Variants in B4GALT5 observed in about 807,000 individuals in gnomAD.
B4GALT5 encodes the protein UDP-Gal:beta-GlcNAc beta-1,4-galactosyltransferase 5.
A neutral mutation model predicts 45.0 loss-of-function variants in B4GALT5; 11 were observed. The observed-to-expected ratio is 0.24, with a 90% CI of 0.15 to 0.40. The LOEUF (loss-of-function observed/expected upper bound fraction) is 0.40, where lower values mean the gene tolerates loss of function less well. B4GALT5 is among the 10% of genes least tolerant of loss of function. B4GALT5 has a pLI of 1.00. For synonymous variants in B4GALT5, 185 were observed against 182.9 expected (o/e 1.01, Z -0.09); for missense variants, 337 against 500.2 (o/e 0.67, Z 3.11).
At chr20:49,649,064 G>A (rs1354652138) in intron 2 of B4GALT5, among the ~76,000 whole-genome samples, 3 of 152,072 alleles carry the variant, frequency 2.0e-5, no homozygotes, top group Non-Finnish European at 4.4e-5. Context: ...GAATCAAATG[G>A]CTAACACATT....
chr20:49,703,668 C>T (rs907113280), intron 1 of B4GALT5, among the ~76,000 whole-genome samples: 2 of 151,412 alleles, frequency 1.3e-5, no homozygotes, highest in African/African-American at 2.4e-5. Context: ...GCAGGTGGAT[C>T]ACCTGAGGTC....
intron 1 of B4GALT5, among the ~76,000 whole-genome samples, chr20:49,665,481 A>AATAATG (rs2085686468): frequency 4.3e-5 from 6 of 138,242 alleles, no homozygotes; most frequent in African/African-American, 1.6e-4. Flanking sequence ...TAATAATAAT[A>AATAATG]ATGAAGAAAC....
chr20:49,683,566 G>C (rs1022360101), intron 1 of B4GALT5, among the ~76,000 whole-genome samples: 1 of 151,528 alleles, frequency 6.6e-6, no homozygotes, highest in African/African-American at 2.4e-5. Context: ...GCTAATTTTT[G>C]TATTTTTGTA....
At chr20:49,713,002 G>C (rs966520409) in intron 1 of B4GALT5, among the ~76,000 whole-genome samples, 2 of 151,152 alleles carry the variant, frequency 1.3e-5, no homozygotes, top group African/African-American at 4.9e-5. Context: ...GGAGGTGGAT[G>C]TAATAGGGGA....
chr20:49,649,755 A>T (rs803193), intron 2 of B4GALT5, among the ~76,000 whole-genome samples: 128,685 of 152,152 alleles, frequency 0.85, 54,894 homozygotes, highest in African/African-American at 0.97. Context: ...ATTATTACTC[A>T]GGATGAATCT....
At chr20:49,670,443 G>A (rs968256209) in intron 1 of B4GALT5, among the ~76,000 whole-genome samples, 11 of 151,884 alleles carry the variant, frequency 7.2e-5, no homozygotes, top group African/African-American at 2.7e-4. Context: ...TTATTTTTTT[G>A]AGACAGGGTC....
chr20:49,655,395 G>A (rs974235905), intron 2 of B4GALT5, among the ~76,000 whole-genome samples: 11 of 151,854 alleles, frequency 7.2e-5, no homozygotes, highest in Admixed American at 4.6e-4. Flanking sequence ...TAACACCACT[G>A]CACTCCAGCC....
intron 2 of B4GALT5, among the ~76,000 whole-genome samples, chr20:49,651,448 G>A (rs1234922503): frequency 6.6e-6 from 1 of 152,028 alleles, no homozygotes; most frequent in Admixed American, 6.5e-5. Context: ...AATTAGCCAG[G>A]CATGGTGGTG....
At chr20:49,673,855 T>C (rs1050125101) in intron 1 of B4GALT5, among the ~76,000 whole-genome samples, 1 of 151,914 alleles carries the variant, frequency 6.6e-6, no homozygotes, top group Non-Finnish European at 1.5e-5. Flanking sequence ...AAAAGCAAAA[T>C]AGTGGTAACT....
In B4GALT5 at chr20:49,647,492, C is replaced by A. The variant is rs562495628; in HGVS notation, c.251-414G>T. Reference sequence around the variant, plus strand: ...TGGTCGTGATGTTTCTGTTTTCAGTCTTACCTACCGACCTCCCACTTATCC... The same window carrying A: ...TGGTCGTGATGTTTCTGTTTTCAGTATTACCTACCGACCTCCCACTTATCC... On this transcript the variant is annotated intron_variant, in intron 2 of 8. Transcript: ENST00000371711. 3.9e-5 allele frequency among the ~76,000 whole-genome samples: 6 copies of A among 152,256 alleles called. No individual in the cohort carries two copies. The East Asian group carries it at 1.2e-3, about 29-fold the overall frequency.
At chr20:49,661,836 ATTTG>A (rs2085666551) in intron 1 of B4GALT5, among the ~76,000 whole-genome samples, 1 of 152,212 alleles carries the variant, frequency 6.6e-6, no homozygotes, top group African/African-American at 2.4e-5. Context: ...CTTACTAATA[ATTTG>A]TTTTACACTT....
At position 49,692,319 on chromosome 20, in the gene B4GALT5, T is replaced by C. The variant is rs189373408; in HGVS notation, c.115+21257A>G. Among the ~76,000 whole-genome samples, 417 of 140,634 alleles carry C rather than the reference T, an allele frequency of 3.0e-3. 4 individuals carry two copies. Among genetic ancestry groups the C allele is most frequent in the African/African-American group, 0.01 (394 of 38,696 alleles). 92.3% of individuals were successfully genotyped at this position (140,634 alleles called of 152,430 possible). On this transcript the variant is annotated intron_variant, in intron 1 of 8. Transcript: ENST00000371711. ...TCTCTACAAAAGAAAAAAAAAAAAG[T>C]AGCCAGGCATGGTGGCGCGTGCCTG...
intron 1 of B4GALT5, among the ~76,000 whole-genome samples, chr20:49,691,337 T>C (rs1165464061): frequency 2.6e-5 from 4 of 152,012 alleles, no homozygotes; most frequent in African/African-American, 4.8e-5. Context: ...GGCAACATAG[T>C]GAGGCCCTGT....
At chr20:49,650,459 A>T (rs2085617233) in intron 2 of B4GALT5, among the ~76,000 whole-genome samples, 2 of 10,770 alleles carry the variant, frequency 1.9e-4, no homozygotes, top group Admixed American at 8.1e-4. Flanking sequence ...TCTCTGCTAA[A>T]AAAAAAAAAA....
Position 49,642,472 on chromosome 20 carries a change from T to G in B4GALT5, c.602A>C (p.Glu201Ala). The change falls in exon 5 of 9, where the codon GAA becomes GCA. Residue 201 changes from glutamate to alanine, a missense_variant. Glu to Ala is a moderately radical substitution (Grantham distance 107). This residue lies in a region of B4GALT5 where 163 missense variants were observed against 292.8 expected (regional missense o/e 0.56). Transcript: ENST00000371711. The stretch of plus-strand genomic sequence containing the variant: ...GGAAAAGAAAGGACTACTCACTTGT[T>G]CAACCACATAAAATGCAAACTGCAA... ...QRLQFAFYVVEQVGTQPFNRA... is the reference protein window; with the variant it reads ...QRLQFAFYVVAQVGTQPFNRA... The G allele has an allele frequency of 6.2e-7, 1 of 1,610,166 alleles. No individual in the cohort carries two copies. The highest frequency in any genetic ancestry group is 8.5e-7 in the Non-Finnish European group (1 of 1,176,684).
At chr20:49,711,542 G>A (rs534417693) in intron 1 of B4GALT5, among the ~76,000 whole-genome samples, 2 of 152,266 alleles carry the variant, frequency 1.3e-5, no homozygotes, top group African/African-American at 4.8e-5. Flanking sequence ...CTGCCTCTAG[G>A]TCCAAATCCC....
At chr20:49,691,397 T>C (rs1600552222) in intron 1 of B4GALT5, among the ~76,000 whole-genome samples, 1 of 152,096 alleles carries the variant, frequency 6.6e-6, no homozygotes, top group Non-Finnish European at 1.5e-5. Context: ...ACTACGTAAC[T>C]GTAGTCCCAG....
intron 3 of B4GALT5, among the ~76,000 whole-genome samples, chr20:49,646,737 G>A (rs2085600557): frequency 6.6e-6 from 1 of 152,172 alleles, no homozygotes; most frequent in South Asian, 2.1e-4. Flanking sequence ...GGACAGGCAA[G>A]GGCAAAGGGA....
intron 1 of B4GALT5, among the ~76,000 whole-genome samples, chr20:49,700,875 C>T (rs985043312): frequency 2.0e-5 from 3 of 152,194 alleles, no homozygotes; most frequent in African/African-American, 7.2e-5. Context: ...TTAATATTTT[C>T]AGAACTCAGT....
Sources: gnomAD v4.1 joint callset for allele counts (sites outside exome capture counted in the v4.1 genomes callset) on GRCh38, gnomAD v4.1.1 for gene constraint, gnomAD v4.1.1 regional missense constraint, MANE v1.5 for transcripts, NCBI Gene and HGNC (gene_info 2026-07-23, HGNC 2026-07-21) for gene names.